Variants in VPS13B observed in about 807,000 individuals in gnomAD.
VPS13B encodes intermembrane lipid transfer protein VPS13B.
Under a neutral mutation model 426.4 loss-of-function variants are expected in VPS13B, and 285 were observed. The observed-to-expected ratio is 0.67, with a 90% CI of 0.61 to 0.74. The LOEUF is 0.74. Among genes scored for constraint, VPS13B ranks in the 30% least tolerant of loss-of-function variants. The pLI is 0.00. For synonymous variants in VPS13B, 1,676 were observed against 1,676.4 expected (o/e 1.00, Z 0.01); for missense variants, 4,537 against 4,782.6 (o/e 0.95, Z 1.51).
intron 19 of VPS13B, among the ~76,000 whole-genome samples, chr8:99,349,350 A>AAAAAAAAAAAAG (rs1184275418): frequency 8.8e-5 from 13 of 147,584 alleles, no homozygotes; most frequent in African/African-American, 3.4e-4. Context: ...AAAAAAAAAA[A>AAAAAAAAAAAAG]AAAAAGAAAA....
At chr8:99,247,331 G>T (rs1355379858) in intron 17 of VPS13B, among the ~76,000 whole-genome samples, 1 of 151,992 alleles carries the variant, frequency 6.6e-6, no homozygotes, top group Non-Finnish European at 1.5e-5. Context: ...TTAATGTTTA[G>T]ATCTAAGCTA....
rs1010001404 is a variant in VPS13B at position 99,704,994 on chromosome 8, A to C, written c.6454+5062A>C. The stretch of plus-strand genomic sequence containing the variant: ...GTGCGTTTATGGTTTAGCAGAAGTA[A>C]AATGTAGAGGGGAAGAACAGATGGC... On this transcript the variant is annotated intron_variant, in intron 36 of 61. Coordinates refer to ENST00000357162, the MANE Select transcript of VPS13B (RefSeq NM_152564.5). Among the ~76,000 whole-genome samples the C allele has an allele frequency of 2.0e-5, 3 of 152,090 alleles. No individual in the cohort carries two copies. The East Asian group carries it at 5.8e-4, about 29-fold the overall frequency.
intron 21 of VPS13B, among the ~76,000 whole-genome samples, chr8:99,396,966 G>GA (rs1212981737): frequency 6.6e-6 from 1 of 151,974 alleles, no homozygotes; most frequent in Non-Finnish European, 1.5e-5. Context: ...CAGGCATATG[G>GA]AAAATCTATC....
In VPS13B at chr8:99,574,151, G is replaced by C. The variant is rs186706674; in HGVS notation, c.4950-1507G>C. On this transcript the variant is annotated intron_variant, in intron 31 of 61. Transcript: ENST00000357162. ...CTTGTGATTTTTGCACATTGATTTTGTATCCTGAGACTTTGCTGAAGTTGC... is the reference window on the plus strand; with the variant it reads ...CTTGTGATTTTTGCACATTGATTTTCTATCCTGAGACTTTGCTGAAGTTGC... Among the ~76,000 whole-genome samples the C allele has an allele frequency of 6.7e-3, 1,018 of 152,252 alleles. 9 individuals are homozygous for C. Among genetic ancestry groups the C allele is most frequent in the African/African-American group, 0.023 (960 of 41,558 alleles).
chr8:99,174,410 G>T (rs7837218), intron 16 of VPS13B, among the ~76,000 whole-genome samples: 40,094 of 151,812 alleles, frequency 0.26, 5,983 homozygotes, highest in East Asian at 0.43. Flanking sequence ...CACACCACTT[G>T]ACACCTGCAA....
At chr8:99,504,830 A>G (rs904530632) in intron 27 of VPS13B, among the ~76,000 whole-genome samples, 1 of 152,178 alleles carries the variant, frequency 6.6e-6, no homozygotes, top group Non-Finnish European at 1.5e-5. Context: ...CTTTAAACCC[A>G]GGCATTGACT....
chr8:99,403,989 C>T (rs1261085050), intron 21 of VPS13B, among the ~76,000 whole-genome samples: 1 of 152,030 alleles, frequency 6.6e-6, no homozygotes, highest in Non-Finnish European at 1.5e-5. Context: ...TTTTTAAACA[C>T]AGGGTTTATT....
intron 23 of VPS13B, among the ~76,000 whole-genome samples, chr8:99,461,552 G>T (rs187763510): frequency 1.3e-5 from 2 of 151,480 alleles, no homozygotes; most frequent in South Asian, 4.2e-4. Flanking sequence ...TTTTTTTACC[G>T]ATTTCTTTAA....
intron 6 of VPS13B, among the ~76,000 whole-genome samples, chr8:99,112,175 A>G (rs983007744): frequency 6.6e-6 from 1 of 152,184 alleles, no homozygotes; most frequent in African/African-American, 2.4e-5. Context: ...TTGTCTGCCT[A>G]TCATTGTATC....
intron 33 of VPS13B, among the ~76,000 whole-genome samples, chr8:99,592,608 T>C (rs903579068): frequency 1.3e-5 from 2 of 151,994 alleles, no homozygotes; most frequent in African/African-American, 4.8e-5. Context: ...ATAGCCAAGA[T>C]AATTCTAAGC....
intron 19 of VPS13B, among the ~76,000 whole-genome samples, chr8:99,313,793 C>T (rs1013844461): frequency 6.6e-6 from 1 of 152,172 alleles, no homozygotes; most frequent in Non-Finnish European, 1.5e-5. Context: ...ACGCAGGCTT[C>T]CTTGAACTTT....
intron 39 of VPS13B, among the ~76,000 whole-genome samples, chr8:99,751,846 A>G (rs1044673325): frequency 6.6e-6 from 1 of 152,164 alleles, no homozygotes; most frequent in Admixed American, 6.6e-5. Context: ...GTGTCTGCAG[A>G]TATGCTAGTT....
chr8:99,665,200 T>C (rs1231949481), intron 35 of VPS13B, among the ~76,000 whole-genome samples: 2 of 152,218 alleles, frequency 1.3e-5, no homozygotes, highest in Non-Finnish European at 2.9e-5. Context: ...TTGAGTTCAT[T>C]GTAGATTCTG....
At chr8:99,494,870 A>G (rs910602569) in intron 25 of VPS13B, among the ~76,000 whole-genome samples, 1 of 152,046 alleles carries the variant, frequency 6.6e-6, no homozygotes, top group Non-Finnish European at 1.5e-5. Context: ...AGCCAAAGAC[A>G]TATTGACAAA....
At chr8:99,066,447 A>G (rs1316817330) in intron 3 of VPS13B, among the ~76,000 whole-genome samples, 1 of 152,232 alleles carries the variant, frequency 6.6e-6, no homozygotes, top group Non-Finnish European at 1.5e-5. Flanking sequence ...CTGGCTAGCC[A>G]TATGTAGAAA....
chr8:99,509,966 G>A (rs1264800599), intron 28 of VPS13B, among the ~76,000 whole-genome samples: 2 of 152,208 alleles, frequency 1.3e-5, no homozygotes, highest in East Asian at 1.9e-4. Context: ...AATTTGGATA[G>A]GAGAGCTAAT....
intron 35 of VPS13B, among the ~76,000 whole-genome samples, chr8:99,690,855 G>T (rs1357921990): frequency 6.6e-6 from 1 of 152,138 alleles, no homozygotes; most frequent in Non-Finnish European, 1.5e-5. Flanking sequence ...ATATGTCTTA[G>T]CAGTTCCACT....
At chr8:99,455,498 C>A (rs985037933) in intron 23 of VPS13B, among the ~76,000 whole-genome samples, 1 of 152,032 alleles carries the variant, frequency 6.6e-6, no homozygotes, top group South Asian at 2.1e-4. Context: ...CTTAAACAGC[C>A]AGCTCTTACT....
chr8:99,027,929 G>C (rs528473215), intron 2 of VPS13B, among the ~76,000 whole-genome samples: 1 of 152,098 alleles, frequency 6.6e-6, no homozygotes, highest in African/African-American at 2.4e-5. Flanking sequence ...TTAAGATTAG[G>C]GAGTGGTGAT....
Sources: gnomAD v4.1 joint callset for allele counts (sites outside exome capture counted in the v4.1 genomes callset) on GRCh38, gnomAD v4.1.1 for gene constraint, MANE v1.5 for transcripts, NCBI Gene and HGNC (gene_info 2026-07-23, HGNC 2026-07-21) for gene names.